The following HINT3 variants were observed in gnomAD, a reference collection of about 807,000 sequenced individuals.
The protein encoded by HINT3 is adenosine 5'-monophosphoramidase HINT3.
Under a neutral mutation model 19.1 loss-of-function variants are expected in HINT3, and 16 were observed. The ratio of observed to expected loss-of-function variants is 0.84; its 90% confidence interval spans 0.57 to 1.27. HINT3 has a LOEUF of 1.27. Among genes scored for constraint, HINT3 ranks in the 50% most tolerant of loss-of-function variants. The probability of loss-of-function intolerance (pLI) is 0.00; values close to 1 mark genes in which losing one functional copy is unlikely to be tolerated. For synonymous variants in HINT3, 75 were observed against 84.8 expected, an observed-to-expected ratio of 0.88 and a Z score of 0.63; for missense variants, 197 against 225.8, an observed-to-expected ratio of 0.87 and a Z score of 0.82.
intron 1 of HINT3, among the ~76,000 whole-genome samples, chr6:125,962,189 C>CACATATAT (rs1178704034): frequency 1.6e-5 from 1 of 64,328 alleles, no homozygotes; most frequent in Non-Finnish European, 2.6e-5. Flanking sequence ...TATATATACA[C>CACATATAT]ATATATATAT....
In HINT3 at chr6:125,974,934, C is replaced by T. The variant is rs148947145; in HGVS notation, c.477C>T (p.Ser159=). The part of the protein sequence containing the change: ...LAPVDQLGFL[S]KLVYRVNSYW... ...CAGTGGATCAGCTTGGCTTCTTATC[C>T]AAGTTGGTTTATAGAGTCAATTCCT... Residue 159 remains serine, a synonymous_variant, in exon 4 of 5, where the codon TCC becomes TCT. Coordinates refer to ENST00000229633, the MANE Select transcript of HINT3 (RefSeq NM_138571.5). The T allele has an allele frequency of 3.7e-6, 6 of 1,613,834 alleles. No individual in the cohort carries two copies. The African/African-American group carries it at 4.0e-5, about 11-fold the overall frequency.
At chr6:125,962,163 CATAT>C (rs1164333774) in intron 1 of HINT3, among the ~76,000 whole-genome samples, 5 of 11,264 alleles carry the variant, frequency 4.4e-4, no homozygotes, top group Non-Finnish European at 6.0e-4. Flanking sequence ...TATATATACA[CATAT>C]ATATATATAT....
chr6:125,960,663 G>GGC (rs1562211500), intron 1 of HINT3, among the ~76,000 whole-genome samples: 1 of 145,138 alleles, frequency 6.9e-6, no homozygotes, highest in African/African-American at 2.5e-5. Context: ...TCTGGGGGGG[G>GGC]GGAAAAAAAA....
At chr6:125,976,045 G>T (rs1789174380) in intron 4 of HINT3, among the ~76,000 whole-genome samples, 1 of 152,148 alleles carries the variant, frequency 6.6e-6, no homozygotes, top group Non-Finnish European at 1.5e-5. Flanking sequence ...GTTATTTTAT[G>T]TGTCCATGAT....
chr6:125,960,678 G>T (rs866406650), intron 1 of HINT3, among the ~76,000 whole-genome samples: 7 of 119,332 alleles, frequency 5.9e-5, no homozygotes, highest in Admixed American at 1.1e-4. Flanking sequence ...AAAAAAAGAA[G>T]TTAGGGCAAG....
Position 125,960,671 on chromosome 6 carries a change from A to AGGGGGGG in HINT3, c.201+3493_201+3494insGGGGGGG, listed in dbSNP as rs1562211533. On this transcript the variant is annotated intron_variant, in intron 1 of 4. Transcript: ENST00000229633. ...GACTCTCTCTGGGGGGGGGGAAAAAAAAAGAAGTTAGGGCAAGCAAGTGGC... is the reference window on the plus strand; with the variant it reads ...GACTCTCTCTGGGGGGGGGGAAAAAAGGGGGGGAAAGAAGTTAGGGCAAGCAAGTGGC... Among the ~76,000 whole-genome samples, 70 of 92,468 alleles carry AGGGGGGG rather than the reference A, an allele frequency of 7.6e-4. 9 individuals are homozygous for AGGGGGGG. The highest frequency in any genetic ancestry group is 1.1e-3 in the East Asian group (2 of 1,876). The allele number at this position is 92,468 out of a possible 152,430, so 60.7% of individuals were successfully genotyped here.
intron 1 of HINT3, among the ~76,000 whole-genome samples, chr6:125,957,652 T>C (rs1165614445): frequency 6.6e-6 from 1 of 152,246 alleles, no homozygotes; most frequent in Non-Finnish European, 1.5e-5. Flanking sequence ...TGTGGAAAGC[T>C]GTTTGTTAGA....
intron 1 of HINT3, among the ~76,000 whole-genome samples, chr6:125,958,844 A>T (rs1788877039): frequency 2.0e-5 from 3 of 152,214 alleles, no homozygotes; most frequent in Non-Finnish European, 4.4e-5. Flanking sequence ...ATCAACACAC[A>T]CACATAAAAC....
At chr6:125,969,962 ATGCCTTTTATTTCTTTCTCT>A (rs1398161197) in intron 2 of HINT3, among the ~76,000 whole-genome samples, 2 of 152,146 alleles carry the variant, frequency 1.3e-5, no homozygotes, top group Non-Finnish European at 2.9e-5. Flanking sequence ...TCCTATTTGG[ATGCCTTTTATTTCTTTCTCT>A]TGCCTGATTG....
At chr6:125,972,046 G>A (rs1171523002) in intron 2 of HINT3, among the ~76,000 whole-genome samples, 1 of 152,052 alleles carries the variant, frequency 6.6e-6, no homozygotes, top group East Asian at 1.9e-4. Flanking sequence ...TTTTAGAGAC[G>A]AGGTCTTACC....
intron 1 of HINT3, among the ~76,000 whole-genome samples, chr6:125,965,116 A>G (rs1194846133): frequency 6.6e-6 from 1 of 152,252 alleles, no homozygotes; most frequent in Non-Finnish European, 1.5e-5. Context: ...ACCTTTCAAT[A>G]TAGAGGTTGG....
rs1259147400 is a variant in HINT3 at position 125,978,287 on chromosome 6, T to C, written c.*611T>C. The C allele has an allele frequency of 6.6e-6, 1 of 152,048 alleles. No homozygotes were observed. The highest frequency in any genetic ancestry group is 2.4e-5 in the African/African-American group (1 of 41,432). 9.4% of individuals were successfully genotyped at this position (152,048 alleles called of 1,614,324 possible). A position where few individuals can be genotyped will look rare whatever the true frequency, so the allele number is the denominator to read the frequency against. On this transcript the variant is annotated 3_prime_UTR_variant, in exon 5 of 5. Transcript: ENST00000229633. ...AATCTATCCTGAAAGCTATATAATA[T>C]ATATAATTTATATCAATGAATTTAC...
Position 125,956,906 on chromosome 6 carries a change from C to T in HINT3, c.-72C>T. On this transcript the variant is annotated 5_prime_UTR_variant, in exon 1 of 5. Transcript: ENST00000229633. The stretch of plus-strand genomic sequence containing the variant: ...GTCTCGAGGTAAAACGGAGGAGGTG[C>T]GGGACGCGGAGACTGCGCGGGCCCG... 12 of 1,436,536 alleles carry T rather than the reference C, an allele frequency of 8.4e-6. No individual in the cohort carries two copies. Among genetic ancestry groups the T allele is most frequent in the Non-Finnish European group, 1.0e-5 (11 of 1,060,332 alleles). The allele number at this position is 1,436,536 out of a possible 1,614,324, so 89.0% of individuals were successfully genotyped here. A position where few individuals can be genotyped will look rare whatever the true frequency, so the allele number is the denominator to read the frequency against.
intron 4 of HINT3, among the ~76,000 whole-genome samples, chr6:125,976,617 A>G (rs1001499144): frequency 6.6e-6 from 1 of 151,174 alleles, no homozygotes; most frequent in Non-Finnish European, 1.5e-5. Context: ...ATAATAAAAG[A>G]TGAATGAAAA....
chr6:125,975,046 C>T, intron 4 of HINT3, 73 bp downstream of exon 4: 1 of 1,419,412 alleles, frequency 7.0e-7, no homozygotes, highest in Non-Finnish European at 9.8e-7. Context: ...TTTTTCTTCT[C>T]AACAGTAGGC....
At position 125,967,006 on chromosome 6, in the gene HINT3, T is replaced by A. The variant is rs1459754977; in HGVS notation, c.319+2T>A. 6.6e-7 allele frequency: 1 copy of A among 1,518,614 alleles called. No individual in the cohort carries two copies. Among genetic ancestry groups the A allele is most frequent in the Admixed American group, 1.7e-5 (1 of 59,064 alleles). The allele number at this position is 1,518,614 out of a possible 1,614,324, so 94.1% of individuals were successfully genotyped here. A position where few individuals can be genotyped will look rare whatever the true frequency, so the allele number is the denominator to read the frequency against. ...TAAGGAAAGATCAAGTAGAACTGGG[T>A]AAGATGATGGCAGTATTCTTCATGT... On this transcript the variant is annotated splice_donor_variant, in intron 2 of 4. Coordinates refer to ENST00000229633, the MANE Select transcript of HINT3 (RefSeq NM_138571.5). LOFTEE classifies it high-confidence loss of function.
rs779355453 is a variant in HINT3, at chr6:125,966,895, C to T, written c.210C>T (p.Asp70=). 7 of 1,606,098 alleles carry T rather than the reference C, an allele frequency of 4.4e-6. No individual in the cohort carries two copies. Among genetic ancestry groups the T allele is most frequent in the Non-Finnish European group, 5.1e-6 (6 of 1,174,888 alleles). ...GTELLHCENE[D]LICFKDIKPA... is the part of the protein sequence containing the mutation. Reference sequence around the variant, plus strand: ...AATGTTTTTTCCTTTAGAATGAGGACCTAATTTGCTTCAAAGATATCAAAC... The same window carrying T: ...AATGTTTTTTCCTTTAGAATGAGGATCTAATTTGCTTCAAAGATATCAAAC... Residue 70 remains aspartate, a synonymous_variant, in exon 2 of 5, where the codon GAC becomes GAT. Coordinates refer to ENST00000229633, the MANE Select transcript of HINT3 (RefSeq NM_138571.5).
intron 3 of HINT3, among the ~76,000 whole-genome samples, chr6:125,973,073 T>TTTTG (rs1279512543): frequency 5.3e-5 from 6 of 113,764 alleles, no homozygotes; most frequent in Non-Finnish European, 8.9e-5. Flanking sequence ...AACTTTTTTT[T>TTTTG]TTTTTTTTTT....
chr6:125,974,873 G>T lies in HINT3; in HGVS notation c.416G>T (p.Cys139Phe). 1.2e-6 allele frequency: 2 copies of T among 1,613,952 alleles called. No individual in the cohort carries two copies. Among genetic ancestry groups the T allele is most frequent in the Non-Finnish European group, 8.5e-7 (1 of 1,179,944 alleles). Residue 139 changes from cysteine (C) to phenylalanine (F), a missense_variant, in exon 4 of 5, where the codon TGT becomes TTT. Physicochemically the swap from Cys to Phe is radical, Grantham distance 205. Transcript: ENST00000229633. ...ATGGGTTTTCATATGCCACCATTCT[G>T]TTCCATTTCCCACTTGCACCTTCAT... ...VRMGFHMPPF[C>F]SISHLHLHVL... is the part of the protein sequence containing the mutation.
Sources: allele counts gnomAD v4.1 joint callset (sites outside exome capture counted in the v4.1 genomes callset), GRCh38; gene constraint gnomAD v4.1.1; transcripts MANE v1.5; gene names NCBI Gene and HGNC (gene_info 2026-07-23, HGNC 2026-07-21).